Variants in ARHGAP32 observed in about 807,000 individuals in gnomAD.
ARHGAP32 encodes the protein rho GTPase-activating protein 32.
A neutral mutation model predicts 186.5 loss-of-function variants in ARHGAP32; 51 were observed. The ratio of observed to expected loss-of-function variants is 0.27; its 90% CI spans 0.22 to 0.35. The LOEUF (loss-of-function observed/expected upper bound fraction) is 0.35, where lower values mean the gene tolerates loss of function less well. ARHGAP32 is among the 10% of genes least tolerant of loss of function. ARHGAP32 has a pLI of 1.00. For synonymous variants in ARHGAP32, 950 were observed against 964.3 expected, an observed-to-expected ratio of 0.99 and a Z score of 0.27; for missense variants, 2,186 against 2,623.5, an observed-to-expected ratio of 0.83 and a Z score of 3.64.
chr11:129,034,141 T>C (rs1392172147), intron 11 of ARHGAP32, among the ~76,000 whole-genome samples: 1 of 152,180 alleles, frequency 6.6e-6, no homozygotes, highest in African/African-American at 2.4e-5. Flanking sequence ...TTTCAGCAAC[T>C]CTGTCTTGAT....
chr11:128,984,328 T>C (rs914368566), intron 15 of ARHGAP32, among the ~76,000 whole-genome samples: 4 of 151,954 alleles, frequency 2.6e-5, no homozygotes, highest in Non-Finnish European at 5.9e-5. Context: ...GGAGCCAAGA[T>C]TGTGCCACTG....
At chr11:129,036,933 G>A (rs1241206404) in intron 11 of ARHGAP32, among the ~76,000 whole-genome samples, 2 of 152,160 alleles carry the variant, frequency 1.3e-5, no homozygotes, top group Admixed American at 1.3e-4. Context: ...AGTGGCTACT[G>A]TAGATACCAT....
At chr11:129,219,598 A>G (rs2135607090) in intron 1 of ARHGAP32, among the ~76,000 whole-genome samples, 1 of 152,300 alleles carries the variant, frequency 6.6e-6, no homozygotes, top group East Asian at 1.9e-4. Flanking sequence ...CTCTCAGACT[A>G]GCTGGTCATA....
At chr11:129,193,335 C>T (rs1380365188), upstream of ARHGAP32, among the ~76,000 whole-genome samples, 1 of 70,612 alleles carries the variant, frequency 1.4e-5, no homozygotes, top group African/African-American at 6.2e-5. Flanking sequence ...GGGCGGGAAA[C>T]AGCCAAGTGT....
chr11:129,021,993 C>G (rs1324890176), intron 11 of ARHGAP32, among the ~76,000 whole-genome samples: 2 of 151,900 alleles, frequency 1.3e-5, no homozygotes, highest in East Asian at 3.9e-4. Flanking sequence ...ATTTTAAAAC[C>G]TGCTAAGAAA....
intron 15 of ARHGAP32, among the ~76,000 whole-genome samples, chr11:128,983,512 G>A (rs1310182641): frequency 1.3e-5 from 2 of 151,320 alleles, no homozygotes; most frequent in Non-Finnish European, 2.9e-5. Flanking sequence ...GGGGAAGGGG[G>A]AGGGATAGCA....
intron 11 of ARHGAP32, among the ~76,000 whole-genome samples, chr11:129,019,949 T>C (rs1938526760): frequency 6.6e-6 from 1 of 152,026 alleles, no homozygotes; most frequent in African/African-American, 2.4e-5. Flanking sequence ...CTATAAGATT[T>C]TAGAAAAGGA....
chr11:128,977,907 G>A (rs1945595101), intron 19 of ARHGAP32, among the ~76,000 whole-genome samples: 1 of 149,784 alleles, frequency 6.7e-6, no homozygotes, highest in South Asian at 2.1e-4. Context: ...TGTAGATGCA[G>A]GGCCTCACTT....
At chr11:129,112,922 AT>A (rs1422940607) in intron 5 of ARHGAP32, among the ~76,000 whole-genome samples, 1 of 152,202 alleles carries the variant, frequency 6.6e-6, no homozygotes, top group Non-Finnish European at 1.5e-5. Flanking sequence ...AAAGTGCAAG[AT>A]GTTCACACCT....
At chr11:128,999,357 AC>A (rs770017819) in intron 11 of ARHGAP32, among the ~76,000 whole-genome samples, 2 of 152,020 alleles carry the variant, frequency 1.3e-5, no homozygotes, top group African/African-American at 2.4e-5. Flanking sequence ...CTGCTCTTGA[AC>A]CCTGTTTCCT....
rs201676073 is a variant in ARHGAP32 at position 129,123,449 on chromosome 11, T to C, written c.441A>G (p.Ile147Met). Residue 147 changes from isoleucine (I) to methionine (M), a missense_variant, in exon 5 of 23, where the codon ATA (isoleucine) becomes ATG (methionine). Transcript: ENST00000682385. This position sits in a 1 kb window ranked among gnomAD's most constrained non-coding sequence, Gnocchi z 4.6. ...FHYENVEFGS[I>M]QLSLSEEQNE... ...TGTAAGAAATATTTCAGTATACCTGTATGCTGCCGAACTCAACATTCTCAT... is the reference window on the plus strand; with the variant it reads ...TGTAAGAAATATTTCAGTATACCTGCATGCTGCCGAACTCAACATTCTCAT... The C allele has an allele frequency of 4.7e-4, 756 of 1,612,004 alleles. 1 individual carries two copies. The highest frequency in any genetic ancestry group is 3.8e-3 in the Middle Eastern group (23 of 6,056).
At position 129,044,983 on chromosome 11, in the gene ARHGAP32, A is replaced by C. The variant is rs149690399; in HGVS notation, c.964-3974T>G. Among the ~76,000 whole-genome samples, 69 of 152,298 alleles carry C rather than the reference A, an allele frequency of 4.5e-4. 1 individual carries two copies. In the East Asian group the frequency reaches 0.013, roughly 28 times the overall value. On this transcript the variant is annotated intron_variant, in intron 10 of 22. Coordinates refer to ENST00000682385, the MANE Select transcript of ARHGAP32 (RefSeq NM_001378024.1). ...GAACTATATCACATACATTAGTTACATTTTCACCTTTTAAATTCATCACAA... is the reference window on the plus strand; with the variant it reads ...GAACTATATCACATACATTAGTTACCTTTTCACCTTTTAAATTCATCACAA...
At chr11:129,267,360 C>T (rs1217784231) in intron 1 of ARHGAP32, among the ~76,000 whole-genome samples, 1 of 152,032 alleles carries the variant, frequency 6.6e-6, no homozygotes, top group African/African-American at 2.4e-5. Flanking sequence ...CAAAGCAAGA[C>T]TCTGTCTCAA....
intron 5 of ARHGAP32, among the ~76,000 whole-genome samples, chr11:129,114,512 A>G (rs945976694): frequency 1.3e-5 from 2 of 152,282 alleles, no homozygotes; most frequent in South Asian, 2.1e-4. Context: ...AAGATATTCA[A>G]TAAAACTATC....
Position 128,980,653 on chromosome 11 carries a change from T to C in ARHGAP32, c.1876A>G (p.Asn626Asp), listed in dbSNP as rs375105046. ...TTATTTTCCGTCACAATTGGAGAAT[T>C]GACCTGAGCTTGTGTTCGTGCCTGG... is the stretch of plus-strand genomic sequence containing the variant. ...EAQARTQAQV[N>D]SPIVTENKYI... The change falls in exon 18 of 23, where the codon AAT becomes GAT. Residue 626 changes from asparagine to aspartate, a missense_variant. By Grantham distance (23) the Asn-to-Asp change is conservative. Transcript: ENST00000682385. 17 of 1,613,966 alleles carry C rather than the reference T, an allele frequency of 1.1e-5. No homozygotes were observed. The highest frequency in any genetic ancestry group is 1.3e-5 in the Non-Finnish European group (15 of 1,179,960).
chr11:129,122,400 A>C (rs1226828963), intron 5 of ARHGAP32, among the ~76,000 whole-genome samples: 6 of 152,118 alleles, frequency 3.9e-5, no homozygotes, highest in Admixed American at 3.9e-4. Flanking sequence ...AGTAAACTAA[A>C]TCACTCAAAC....
In ARHGAP32 at chr11:128,970,799, G is replaced by A. The variant is rs753020744; in HGVS notation, c.4414C>T (p.Pro1472Ser). ...TGCTTAGGTTGTGGGACAGGAAGTGGTAAAGGCAATGCATCGTCCACAGAG... is the reference window on the plus strand; with the variant it reads ...TGCTTAGGTTGTGGGACAGGAAGTGATAAAGGCAATGCATCGTCCACAGAG... ...STSVDDALPL[P>S]LPVPQPKHAS... Residue 1472 changes from proline (P) to serine (S), a missense_variant, in exon 23 of 23, where the codon CCA becomes TCA. By Grantham distance (74) the Pro-to-Ser change is moderately conservative. Transcript: ENST00000682385. The surrounding 1 kb of genome is among the most constrained non-coding windows in gnomAD (Gnocchi z 5.8). The A allele has an allele frequency of 4.3e-6, 7 of 1,614,070 alleles. No homozygotes were observed. The highest frequency in any genetic ancestry group is 5.9e-6 in the Non-Finnish European group (7 of 1,180,028).
chr11:128,998,242 A>G, intron 12 of ARHGAP32, 77 bp downstream of exon 12: 1 of 1,206,512 alleles, frequency 8.3e-7, no homozygotes. Context: ...GACTAAATCT[A>G]CTCCATAATT....
At chr11:129,150,826 G>A (rs1048375335) in intron 2 of ARHGAP32, among the ~76,000 whole-genome samples, 19 of 151,538 alleles carry the variant, frequency 1.3e-4, no homozygotes, top group Non-Finnish European at 2.5e-4. Context: ...AACATATTAA[G>A]GCAACAATTA....
Sources: gnomAD v4.1 joint callset for allele counts (sites outside exome capture counted in the v4.1 genomes callset) on GRCh38, gnomAD v4.1.1 for gene constraint, Gnocchi (gnomAD v3.1) non-coding constraint, MANE v1.5 for transcripts, NCBI Gene and HGNC (gene_info 2026-07-23, HGNC 2026-07-21) for gene names.